URI1: variants seen among roughly 807,000 people sequenced by gnomAD.
The protein encoded by URI1 is unconventional prefoldin RPB5 interactor 1.
A neutral mutation model predicts 60.2 loss-of-function variants in URI1; 39 were observed. The ratio of observed to expected loss-of-function variants is 0.65; its 90% CI spans 0.50 to 0.85. URI1 has a LOEUF of 0.85. URI1 is among the 40% of genes least tolerant of loss of function. URI1 has a pLI of 0.00. For missense variants in URI1, 691 were observed against 665.9 expected (o/e 1.04, Z -0.42); for synonymous variants, 251 against 236.8 (o/e 1.06, Z -0.55).
intron 4 of URI1, among the ~76,000 whole-genome samples, chr19:30,000,676 T>G (rs369933704): frequency 3.9e-5 from 6 of 152,066 alleles, no homozygotes; most frequent in Middle Eastern, 3.4e-3. Context: ...TTTTTTGTTT[T>G]TAAAGCTTTG....
chr19:30,015,552 G>A lies in URI1; in HGVS notation c.*483G>A, dbSNP rs1568451423. On this transcript the variant is annotated 3_prime_UTR_variant, in exon 11 of 11. Coordinates refer to ENST00000392271, the MANE Select transcript of URI1 (RefSeq NM_003796.3). ...CTCTTGTAGGTTTTGCGGCTAGTTG[G>A]CTATTCAAGAAACCTCGCCCCTCTG... The A allele has an allele frequency of 2.0e-6, 3 of 1,534,830 alleles. No individual in the cohort carries two copies. The highest frequency in any genetic ancestry group is 4.9e-5 in the East Asian group (2 of 40,836).
chr19:29,965,565 C>T (rs941756226), intron 1 of URI1, among the ~76,000 whole-genome samples: 3 of 152,136 alleles, frequency 2.0e-5, no homozygotes, highest in South Asian at 2.1e-4. Flanking sequence ...TCATATGTTT[C>T]ATTGCAAATG....
At chr19:29,928,285 G>A (rs1319021967) in intron 1 of URI1, among the ~76,000 whole-genome samples, 1 of 152,090 alleles carries the variant, frequency 6.6e-6, no homozygotes, top group Non-Finnish European at 1.5e-5. Flanking sequence ...CACTAGAGAA[G>A]CTTAAAAACT....
chr19:29,932,282 G>A (rs1195119932), intron 1 of URI1, among the ~76,000 whole-genome samples: 5 of 151,808 alleles, frequency 3.3e-5, no homozygotes, highest in East Asian at 1.9e-4. Context: ...ATGCTTTTTC[G>A]GCATCATTTG....
intron 4 of URI1, among the ~76,000 whole-genome samples, chr19:30,001,153 G>A (rs370510008): frequency 5.4e-5 from 8 of 149,308 alleles, no homozygotes; most frequent in Non-Finnish European, 1.0e-4. Flanking sequence ...TCTTTTTTTG[G>A]TCTCTAGCAT....
chr19:29,960,099 C>A (rs1009661746), intron 1 of URI1, among the ~76,000 whole-genome samples: 3 of 152,100 alleles, frequency 2.0e-5, no homozygotes, highest in African/African-American at 7.2e-5. Context: ...GAAATACATT[C>A]CTTTTCAAAC....
chr19:29,930,144 G>T (rs1208595138), intron 1 of URI1, among the ~76,000 whole-genome samples: 1 of 151,962 alleles, frequency 6.6e-6, no homozygotes. Flanking sequence ...TCACCATGTT[G>T]GCCAGGCTGG....
chr19:29,979,593 T>C (rs891212773), intron 2 of URI1, among the ~76,000 whole-genome samples: 1 of 152,188 alleles, frequency 6.6e-6, no homozygotes, highest in South Asian at 2.1e-4. Context: ...TGAAGAAATC[T>C]AGTAGAATGT....
At chr19:29,936,391 C>G (rs1453901634) in intron 1 of URI1, among the ~76,000 whole-genome samples, 2 of 152,232 alleles carry the variant, frequency 1.3e-5, no homozygotes, top group African/African-American at 2.4e-5. Flanking sequence ...GCCTGAGCCA[C>G]TGCACCCAGC....
rs2055041599 is a variant in URI1 at position 29,942,537 on chromosome 19, G to A, written c.-11G>A. Reference sequence around the variant, plus strand: ...GGACTCACACGCCGCGCTGAGGCCCGCGGGCCCGTCATGGAGGCGCCCACC... The same window carrying A: ...GGACTCACACGCCGCGCTGAGGCCCACGGGCCCGTCATGGAGGCGCCCACC... On this transcript the variant is annotated 5_prime_UTR_variant, in exon 1 of 11. Coordinates refer to ENST00000392271, the MANE Select transcript of URI1 (RefSeq NM_003796.3). 1.4e-6 allele frequency: 2 copies of A among 1,394,250 alleles called. No homozygotes were observed. The highest frequency in any genetic ancestry group is 3.2e-5 in the East Asian group (1 of 31,742). 86.4% of individuals were successfully genotyped at this position (1,394,250 alleles called of 1,614,324 possible).
In URI1 at chr19:29,942,575, C is replaced by T. The variant is rs746162017; in HGVS notation, c.28C>T (p.Pro10Ser). 1.8e-5 allele frequency: 25 copies of T among 1,425,340 alleles called. No individual in the cohort carries two copies. The highest frequency in any genetic ancestry group is 2.2e-5 in the Non-Finnish European group (24 of 1,091,940). 88.3% of individuals were successfully genotyped at this position (1,425,340 alleles called of 1,614,324 possible). A position where few individuals can be genotyped will look rare whatever the true frequency, so the allele number is the denominator to read the frequency against. Residue 10 changes from proline (P) to serine (S), a missense_variant, in exon 1 of 11, where the codon CCC (proline) becomes TCC (serine). Pro to Ser is a moderately conservative substitution (Grantham distance 74, BLOSUM62 -1). Transcript: ENST00000392271. The stretch of plus-strand genomic sequence containing the variant: ...GGAGGCGCCCACCGTGGAGACGCCC[C>T]CCGACCCCTCGCCCCCTTCGGCCCC... MEAPTVETP[P>S]DPSPPSAPAP...
At chr19:30,000,088 T>C (rs201327722) in intron 4 of URI1, among the ~76,000 whole-genome samples, 1 of 152,020 alleles carries the variant, frequency 6.6e-6, no homozygotes, top group East Asian at 1.9e-4. Flanking sequence ...CTTTTTGCTA[T>C]TGTTGTATCA....
intron 4 of URI1, among the ~76,000 whole-genome samples, chr19:29,999,744 A>C (rs952967395): frequency 6.6e-6 from 1 of 151,998 alleles, no homozygotes; most frequent in Non-Finnish European, 1.5e-5. Context: ...GAGTATCTCC[A>C]ATAAGGCATT....
In URI1 at chr19:29,944,140, CATATATATATATATATATATATATATAT is replaced by C. The variant is rs56329506; in HGVS notation, c.117+1502_117+1529del. ...GGCGACAGAGTGAGACCCTGTCATT[CATATATATATATATATATATATATATAT>C]ATATATATATATATATATATATATA... On this transcript the variant is annotated intron_variant, in intron 1 of 10. Coordinates refer to ENST00000392271, the MANE Select transcript of URI1 (RefSeq NM_003796.3). Among the ~76,000 whole-genome samples, 169 of 37,150 alleles carry C rather than the reference CATATATATATATATATATATATATATAT, an allele frequency of 4.5e-3. 7 individuals carry two copies. Among genetic ancestry groups the C allele is most frequent in the Middle Eastern group, 0.014 (1 of 70 alleles). The allele number at this position is 37,150 out of a possible 152,430, so 24.4% of individuals were successfully genotyped here. A position where few individuals can be genotyped will look rare whatever the true frequency, so the allele number is the denominator to read the frequency against.
chr19:29,929,453 G>A (rs373517647), intron 1 of URI1, among the ~76,000 whole-genome samples: 14 of 150,488 alleles, frequency 9.3e-5, no homozygotes, highest in Middle Eastern at 3.4e-3. Context: ...AAAAATTAGC[G>A]GGGTGTGGTG....
intron 1 of URI1, among the ~76,000 whole-genome samples, chr19:29,924,468 T>C (rs2054848514): frequency 6.6e-6 from 1 of 152,182 alleles, no homozygotes; most frequent in South Asian, 2.1e-4. Flanking sequence ...GGGGTTTCTG[T>C]CATTTTTTAG....
At chr19:29,991,254 T>C (rs1022562456) in intron 4 of URI1, among the ~76,000 whole-genome samples, 1 of 152,196 alleles carries the variant, frequency 6.6e-6, no homozygotes, top group African/African-American at 2.4e-5. Context: ...AGCCTGTAAA[T>C]ACAGTGTATC....
At chr19:30,006,771 C>T (rs2055948470) in intron 6 of URI1, among the ~76,000 whole-genome samples, 1 of 151,962 alleles carries the variant, frequency 6.6e-6, no homozygotes. Flanking sequence ...TTTAATAAAG[C>T]AAATAAAGCC....
intron 1 of URI1, among the ~76,000 whole-genome samples, chr19:29,929,380 T>C (rs774651834): frequency 2.6e-5 from 4 of 152,138 alleles, no homozygotes; most frequent in South Asian, 2.1e-4. Flanking sequence ...GCAGATTACT[T>C]GAGGTCAGGA....
Sources: allele counts gnomAD v4.1 joint callset (sites outside exome capture counted in the v4.1 genomes callset), GRCh38; gene constraint gnomAD v4.1.1; transcripts MANE v1.5; gene names NCBI Gene and HGNC (gene_info 2026-07-23, HGNC 2026-07-21).